ST8SIA5: variants seen among roughly 807,000 people sequenced by gnomAD.
ST8SIA5 encodes ST8 alpha-N-acetyl-neuraminide alpha-2,8-sialyltransferase 5, also known as alpha-2,8-sialyltransferase 8E.
In ST8SIA5, 24 loss-of-function variants were observed where a neutral mutation model predicts 40.2. The ratio of observed to expected loss-of-function variants is 0.60; its 90% confidence interval spans 0.43 to 0.84. ST8SIA5 has a LOEUF of 0.84. Among genes scored for constraint, ST8SIA5 ranks in the 40% least tolerant of loss-of-function variants. The probability of loss-of-function intolerance (pLI) is 0.00; values close to 1 mark genes in which losing one functional copy is unlikely to be tolerated. For synonymous variants in ST8SIA5, 198 were observed against 201.8 expected (o/e 0.98, Z 0.16); for missense variants, 465 against 498.5 (o/e 0.93, Z 0.64).
chr18:46,741,206 T>C (rs1025333096), intron 1 of ST8SIA5, among the ~76,000 whole-genome samples: 2 of 152,142 alleles, frequency 1.3e-5, no homozygotes, highest in African/African-American at 2.4e-5. Flanking sequence ...CCGATGGATA[T>C]GACAGAGATG....
intron 1 of ST8SIA5, among the ~76,000 whole-genome samples, chr18:46,730,999 AAAC>A (rs1266374870): frequency 2.0e-5 from 3 of 152,216 alleles, no homozygotes; most frequent in East Asian, 1.9e-4. Context: ...AAGAAAAAAG[AAAC>A]AACAACACAG....
At chr18:46,700,466 G>C (rs1215755330) in intron 2 of ST8SIA5, among the ~76,000 whole-genome samples, 1 of 152,140 alleles carries the variant, frequency 6.6e-6, no homozygotes, top group East Asian at 1.9e-4. Flanking sequence ...AAGCCCCCGG[G>C]TCCCAAGATA....
intron 3 of ST8SIA5, among the ~76,000 whole-genome samples, chr18:46,689,306 G>A (rs975056977): frequency 3.9e-5 from 6 of 152,130 alleles, no homozygotes; most frequent in African/African-American, 1.2e-4. Context: ...ACTCCTCGAC[G>A]GAGCCTGAGT....
At chr18:46,719,712 T>TTCTTTCTTTCTTTCTTTCTTTCTC (rs1568267819) in intron 1 of ST8SIA5, among the ~76,000 whole-genome samples, 1 of 150,598 alleles carries the variant, frequency 6.6e-6, no homozygotes, top group African/African-American at 2.4e-5. Flanking sequence ...CTTTCTCTCT[T>TTCTTTCTTTCTTTCTTTCTTTCTC]TCTTTCTCTC....
chr18:46,707,478 T>C (rs1439807481), intron 1 of ST8SIA5, among the ~76,000 whole-genome samples: 2 of 152,208 alleles, frequency 1.3e-5, no homozygotes, highest in African/African-American at 4.8e-5. Context: ...ATTCCTGCCT[T>C]GCCTCTTCCT....
chr18:46,741,540 ATT>A (rs2040086461), intron 1 of ST8SIA5, among the ~76,000 whole-genome samples: 1 of 152,228 alleles, frequency 6.6e-6, no homozygotes, highest in South Asian at 2.1e-4. Flanking sequence ...TGCAAGACTG[ATT>A]TTAAAACCAG....
At chr18:46,740,520 G>A (rs1423711679) in intron 1 of ST8SIA5, among the ~76,000 whole-genome samples, 1 of 151,418 alleles carries the variant, frequency 6.6e-6, no homozygotes, top group Non-Finnish European at 1.5e-5. Context: ...TGAAAGACAT[G>A]CAAATTTAAA....
chr18:46,708,308 A>T (rs1017711015), intron 1 of ST8SIA5, among the ~76,000 whole-genome samples: 1 of 152,126 alleles, frequency 6.6e-6, no homozygotes. Flanking sequence ...TTCTGCTGTG[A>T]TTAGTAAACC....
chr18:46,691,913 T>G (rs1599105806), intron 3 of ST8SIA5: 3 of 507,388 alleles, frequency 5.9e-6, no homozygotes, highest in Non-Finnish European at 1.1e-5. Flanking sequence ...GTACTGGAGA[T>G]GGCACCACCA....
chr18:46,688,887 G>A lies in ST8SIA5; in HGVS notation c.344C>T (p.Ala115Val). The A allele has an allele frequency of 6.2e-7, 1 of 1,614,030 alleles. No homozygotes were observed. The change falls in exon 4 of 7, where the codon GCC becomes GTC. Residue 115 changes from alanine to valine, a missense_variant. Physicochemically the swap from Ala to Val is moderately conservative, Grantham distance 64. Transcript: ENST00000315087. ...STLSRCCNAP[A>V]FLFTTQKNTP... Reference sequence around the variant, plus strand: ...GTTCTTCTGGGTGGTGAAGAGAAAGGCAGGGGCGTTGCAGCACCTGGACAG... The same window carrying A: ...GTTCTTCTGGGTGGTGAAGAGAAAGACAGGGGCGTTGCAGCACCTGGACAG...
intron 1 of ST8SIA5, among the ~76,000 whole-genome samples, chr18:46,711,555 C>A (rs2039732790): frequency 6.6e-6 from 1 of 152,174 alleles, no homozygotes; most frequent in African/African-American, 2.4e-5. Context: ...CTTCCCCCTC[C>A]CAAAGGCAAC....
chr18:46,734,139 A>G lies in ST8SIA5; in HGVS notation c.131+22239T>C, dbSNP rs573531871. On this transcript the variant is annotated intron_variant, in intron 1 of 6. Transcript: ENST00000315087. ...ATGCTTCTGGTTGCGCCGCATTCTC[A>G]GCAGGATGAACGGGCGCAATGACCA... 3.7e-4 allele frequency among the ~76,000 whole-genome samples: 57 copies of G among 152,192 alleles called. 2 individuals carry two copies. The highest frequency in any genetic ancestry group is 1.1e-3 in the Admixed American group (17 of 15,296).
chr18:46,708,187 G>C (rs115745584), intron 1 of ST8SIA5, among the ~76,000 whole-genome samples: 3 of 152,184 alleles, frequency 2.0e-5, no homozygotes, highest in Non-Finnish European at 4.4e-5. Flanking sequence ...GATGCCCCAG[G>C]AAGTCCCAGG....
At chr18:46,740,633 A>G (rs2040078734) in intron 1 of ST8SIA5, among the ~76,000 whole-genome samples, 1 of 152,242 alleles carries the variant, frequency 6.6e-6, no homozygotes, top group African/African-American at 2.4e-5. Context: ...TGGACATTTT[A>G]AAGCACTTCT....
chr18:46,719,986 G>A (rs1599131807), intron 1 of ST8SIA5, among the ~76,000 whole-genome samples: 1 of 151,958 alleles, frequency 6.6e-6, no homozygotes, highest in African/African-American at 2.4e-5. Context: ...TTACAGGCAT[G>A]TGCCACCACA....
intron 4 of ST8SIA5, among the ~76,000 whole-genome samples, chr18:46,686,594 C>A (rs933762159): frequency 6.6e-6 from 1 of 152,122 alleles, no homozygotes; most frequent in East Asian, 1.9e-4. Context: ...CCTGGGCTTC[C>A]GGTGGGACCA....
chr18:46,689,719 A>T (rs1468666773), intron 3 of ST8SIA5, among the ~76,000 whole-genome samples: 29 of 150,778 alleles, frequency 1.9e-4, no homozygotes, highest in Admixed American at 1.9e-3. Context: ...GATTACAGGC[A>T]AGCACCACCA....
At chr18:46,692,373 T>G (rs1339461718) in intron 2 of ST8SIA5, 118 bp from the exon 3 acceptor site, 1 of 825,680 alleles carries the variant, frequency 1.2e-6, no homozygotes, top group African/African-American at 1.7e-5. Context: ...GGGCTGGCCC[T>G]TGGCATTGAC....
At chr18:46,688,594 C>A (rs1376465642) in intron 4 of ST8SIA5, among the ~76,000 whole-genome samples, 181 bp downstream of exon 4, 1 of 152,222 alleles carries the variant, frequency 6.6e-6, no homozygotes, top group East Asian at 1.9e-4. Context: ...TCAGACAGAA[C>A]CCCCAAAGAA....
Sources: allele counts gnomAD v4.1 joint callset (sites outside exome capture counted in the v4.1 genomes callset), GRCh38; gene constraint gnomAD v4.1.1; transcripts MANE v1.5; gene names NCBI Gene and HGNC (gene_info 2026-07-23, HGNC 2026-07-21).